The following CTNND2 variants were observed in gnomAD, a reference collection of about 807,000 sequenced individuals.
CTNND2 encodes the protein catenin delta-2.
CTNND2 carries 22 observed loss-of-function variants against 144.4 expected under a neutral mutation model. That is an observed-to-expected ratio of 0.15 (90% confidence interval 0.11 to 0.22). The LOEUF (loss-of-function observed/expected upper bound fraction) is 0.22, where lower values mean the gene tolerates loss of function less well. Ranked by LOEUF, CTNND2 falls within the 10% of genes least tolerant of loss-of-function variation. The pLI is 1.00. For synonymous variants in CTNND2, 751 were observed against 695.6 expected, an observed-to-expected ratio of 1.08 and a Z score of -1.25; for missense variants, 1,353 against 1,618.8, an observed-to-expected ratio of 0.84 and a Z score of 2.82.
intron 2 of CTNND2, among the ~76,000 whole-genome samples, chr5:11,725,985 G>A (rs768993834): frequency 5.9e-5 from 9 of 152,146 alleles, no homozygotes; most frequent in Non-Finnish European, 1.0e-4. Context: ...CATGCACAGC[G>A]CACTGACTAT....
chr5:11,410,402 A>G (rs1761418471), intron 5 of CTNND2, among the ~76,000 whole-genome samples: 1 of 152,186 alleles, frequency 6.6e-6, no homozygotes, highest in Non-Finnish European at 1.5e-5. Flanking sequence ...TCAGTTTGCT[A>G]TCTTATCCTT....
chr5:11,099,115 T>C (rs986686225), intron 14 of CTNND2, among the ~76,000 whole-genome samples: 2 of 152,236 alleles, frequency 1.3e-5, no homozygotes, highest in African/African-American at 4.8e-5. Context: ...CAAGGTAGCA[T>C]ATTTTATAGT....
chr5:11,375,055 T>C (rs1757806595), intron 7 of CTNND2, among the ~76,000 whole-genome samples: 1 of 152,178 alleles, frequency 6.6e-6, no homozygotes, highest in South Asian at 2.1e-4. Flanking sequence ...TTGAAAAACA[T>C]GTAAACGAAG....
chr5:11,860,394 A>G (rs1051256013), intron 1 of CTNND2, among the ~76,000 whole-genome samples: 3 of 152,194 alleles, frequency 2.0e-5, no homozygotes. Flanking sequence ...AAGATACATA[A>G]TCCCTAATGT....
rs1023538616 is a variant in CTNND2, at chr5:11,203,585, G to A, written c.1762-3924C>T. ...ACATGAGGTTTCGCCATGTTGCCCA[G>A]GCTGGTCTTCAACTCCTAGGCTCAA... On this transcript the variant is annotated intron_variant, in intron 10 of 21. Coordinates refer to ENST00000304623, the MANE Select transcript of CTNND2 (RefSeq NM_001332.4). Among the ~76,000 whole-genome samples, 7 of 152,270 alleles carry A rather than the reference G, an allele frequency of 4.6e-5. No homozygotes were observed. The South Asian group carries it at 1.2e-3, about 27-fold the overall frequency.
intron 2 of CTNND2, among the ~76,000 whole-genome samples, chr5:11,567,480 T>G (rs1777209811): frequency 6.6e-6 from 1 of 152,210 alleles, no homozygotes; most frequent in African/African-American, 2.4e-5. Context: ...ATTAAGTGCA[T>G]TTTAGGCCAC....
At chr5:11,473,652 A>C (rs1767451244) in intron 3 of CTNND2, among the ~76,000 whole-genome samples, 1 of 152,136 alleles carries the variant, frequency 6.6e-6, no homozygotes, top group Admixed American at 6.5e-5. Context: ...AAAGTTAAAA[A>C]CCCATTCTAG....
intron 5 of CTNND2, among the ~76,000 whole-genome samples, chr5:11,407,206 A>C (rs1761167449): frequency 6.6e-6 from 1 of 152,162 alleles, no homozygotes; most frequent in South Asian, 2.1e-4. Flanking sequence ...TCTGTTGGTA[A>C]ATTATTTTTT....
intron 16 of CTNND2, among the ~76,000 whole-genome samples, chr5:11,057,254 T>C (rs1467987743): frequency 6.6e-6 from 1 of 152,192 alleles, no homozygotes; most frequent in Middle Eastern, 3.2e-3. Flanking sequence ...GGGTGGGTTG[T>C]TGATATGGTT....
intron 10 of CTNND2, among the ~76,000 whole-genome samples, chr5:11,205,364 G>C (rs950446542): frequency 6.6e-6 from 1 of 152,012 alleles, no homozygotes; most frequent in African/African-American, 2.4e-5. Context: ...AAGGGAATGC[G>C]GTGATTTTTT....
chr5:11,311,838 C>T (rs975065323), intron 9 of CTNND2, among the ~76,000 whole-genome samples: 3 of 144,094 alleles, frequency 2.1e-5, no homozygotes, highest in Admixed American at 6.9e-5. Flanking sequence ...CACACACACT[C>T]CCCATACACC....
intron 2 of CTNND2, among the ~76,000 whole-genome samples, chr5:11,576,231 A>C (rs900147785): frequency 2.0e-5 from 3 of 152,120 alleles, no homozygotes; most frequent in African/African-American, 7.2e-5. Flanking sequence ...CTTGCTTTCA[A>C]TCTGTTTTTC....
intron 9 of CTNND2, among the ~76,000 whole-genome samples, chr5:11,322,968 A>C (rs1391128285): frequency 2.6e-5 from 4 of 152,180 alleles, no homozygotes; most frequent in African/African-American, 9.7e-5. Context: ...AGATGTGGTT[A>C]TCTGACAAAT....
rs201191471 is a variant in CTNND2 at position 11,274,579 on chromosome 5, GTTT to G, written c.1629-37759_1629-37757del. ...TTCACAGAAAGTTGATTTTGCTTTC[GTTT>G]TTTTTTTTTTTAAAAAGGCAACACC... On this transcript the variant is annotated intron_variant, in intron 9 of 21. Coordinates refer to ENST00000304623, the MANE Select transcript of CTNND2 (RefSeq NM_001332.4). Among the ~76,000 whole-genome samples, 35 of 144,380 alleles carry G rather than the reference GTTT, an allele frequency of 2.4e-4. No homozygotes were observed. The East Asian group carries it at 2.7e-3, about 11-fold the overall frequency. The allele number at this position is 144,380 out of a possible 152,430, so 94.7% of individuals were successfully genotyped here. A position where few individuals can be genotyped will look rare whatever the true frequency, so the allele number is the denominator to read the frequency against.
intron 1 of CTNND2, among the ~76,000 whole-genome samples, chr5:11,894,480 G>A (rs1162163526): frequency 6.6e-6 from 1 of 152,178 alleles, no homozygotes; most frequent in Non-Finnish European, 1.5e-5. Context: ...ATGGAAGTGG[G>A]CATTTTATAA....
At chr5:11,657,904 T>A (rs926618765) in intron 2 of CTNND2, among the ~76,000 whole-genome samples, 15 of 152,244 alleles carry the variant, frequency 9.9e-5, no homozygotes, top group African/African-American at 3.6e-4. Flanking sequence ...CAATGCTTCA[T>A]ATTTTGAATG....
At chr5:10,992,778 T>C (rs1738843460) in intron 18 of CTNND2, 101 bp from the exon 19 acceptor site, 2 of 1,471,986 alleles carry the variant, frequency 1.4e-6, no homozygotes. Context: ...ATAATATTTC[T>C]ATGGTGTGTC....
chr5:11,159,778 AAG>A lies in CTNND2; in HGVS notation c.1976-21_1976-20del, dbSNP rs1758585839. 6.5e-7 allele frequency: 1 copy of A among 1,544,924 alleles called. No individual in the cohort carries two copies. Among genetic ancestry groups the A allele is most frequent in the South Asian group, 1.2e-5 (1 of 80,322 alleles). The stretch of plus-strand genomic sequence containing the variant: ...AGGACTCCTGCAAGAGACACACAAA[AAG>A]AGGTTTTGGGTGGCCACAAGTTTTT... On this transcript the variant is annotated intron_variant, in intron 11 of 21. Coordinates refer to ENST00000304623, the MANE Select transcript of CTNND2 (RefSeq NM_001332.4).
intron 1 of CTNND2, among the ~76,000 whole-genome samples, chr5:11,782,627 C>T (rs751836260): frequency 1.3e-4 from 20 of 152,144 alleles, no homozygotes; most frequent in South Asian, 2.1e-4. Context: ...TCCACTACGA[C>T]GAATCTATTT....
Sources: gnomAD v4.1 joint callset for allele counts (sites outside exome capture counted in the v4.1 genomes callset) on GRCh38, gnomAD v4.1.1 for gene constraint, MANE v1.5 for transcripts, NCBI Gene and HGNC (gene_info 2026-07-23, HGNC 2026-07-21) for gene names.